The following SORCS1 variants were observed in gnomAD, a reference collection of about 807,000 sequenced individuals.
SORCS1 encodes the protein VPS10 domain-containing receptor SorCS1.
SORCS1 carries 60 observed loss-of-function variants against 146.1 expected under a neutral mutation model. That is an observed-to-expected ratio of 0.41 (90% CI 0.33 to 0.51). The LOEUF (loss-of-function observed/expected upper bound fraction) is 0.51. SORCS1 is among the 20% of genes least tolerant of loss of function. The probability of loss-of-function intolerance (pLI) is 0.21; values close to 1 mark genes in which losing one functional copy is unlikely to be tolerated. For synonymous variants in SORCS1, 637 were observed against 584.0 expected, an observed-to-expected ratio of 1.09 and a Z score of -1.31; for missense variants, 1,352 against 1,487.6, an observed-to-expected ratio of 0.91 and a Z score of 1.50.
intron 2 of SORCS1, among the ~76,000 whole-genome samples, chr10:106,869,585 C>T (rs1167088530): frequency 6.6e-6 from 1 of 152,090 alleles, no homozygotes; most frequent in Non-Finnish European, 1.5e-5. Flanking sequence ...GAACTAAAGA[C>T]AAAAACCACA....
intron 24 of SORCS1, among the ~76,000 whole-genome samples, chr10:106,596,274 C>G (rs1845899022): frequency 6.6e-6 from 1 of 152,196 alleles, no homozygotes; most frequent in Non-Finnish European, 1.5e-5. Flanking sequence ...TTCCCCACAC[C>G]ACAACCAGGT....
At chr10:107,029,143 A>G (rs1958533631) in intron 1 of SORCS1, among the ~76,000 whole-genome samples, 1 of 152,216 alleles carries the variant, frequency 6.6e-6, no homozygotes, top group African/African-American at 2.4e-5. Context: ...ATGCTCTCTC[A>G]TGGAATGTCA....
At chr10:106,931,576 C>T (rs899934674) in intron 2 of SORCS1, among the ~76,000 whole-genome samples, 10 of 152,312 alleles carry the variant, frequency 6.6e-5, no homozygotes, top group African/African-American at 1.2e-4. Context: ...TCGTTTGTAA[C>T]TCCTGAACCA....
chr10:107,088,080 G>C (rs555340197), intron 1 of SORCS1, among the ~76,000 whole-genome samples: 40 of 151,902 alleles, frequency 2.6e-4, no homozygotes, highest in Non-Finnish European at 4.4e-4. Context: ...CACCACGCCT[G>C]GCTAGTTTTT....
intron 9 of SORCS1, among the ~76,000 whole-genome samples, chr10:106,689,687 C>G (rs1853149425): frequency 6.6e-6 from 1 of 152,202 alleles, no homozygotes; most frequent in African/African-American, 2.4e-5. Context: ...GCACCTGCAG[C>G]TTTTACCCCA....
In SORCS1 at chr10:106,607,208, A is replaced by G; in HGVS notation, c.3123T>C (p.Asp1041=). ...TAELFVLPYQ[D]PAGENKRSTD... The stretch of plus-strand genomic sequence containing the variant: ...TTGACCTTTTGTTTTCTCCAGCTGG[A>G]TCCTGATAGGGTAGGACAAAGAGTT... Residue 1041 remains aspartate (D), a synonymous_variant, in exon 23 of 26, where the codon GAT becomes GAC. Coordinates refer to ENST00000263054, the MANE Select transcript of SORCS1 (RefSeq NM_052918.5). The G allele has an allele frequency of 6.2e-7, 1 of 1,614,100 alleles. No individual in the cohort carries two copies. The highest frequency in any genetic ancestry group is 8.5e-7 in the Non-Finnish European group (1 of 1,179,966).
At chr10:107,001,361 A>G (rs1025376214) in intron 1 of SORCS1, among the ~76,000 whole-genome samples, 3 of 152,200 alleles carry the variant, frequency 2.0e-5, no homozygotes, top group Non-Finnish European at 4.4e-5. Context: ...GGCACGTTTC[A>G]GACCAATTAC....
At chr10:106,993,939 C>A (rs12241155) in intron 1 of SORCS1, among the ~76,000 whole-genome samples, 1 of 151,424 alleles carries the variant, frequency 6.6e-6, no homozygotes, top group Non-Finnish European at 1.5e-5. Context: ...CCAGGCAATG[C>A]GGCCCATGCC....
At chr10:106,816,849 G>A (rs942188592) in intron 3 of SORCS1, among the ~76,000 whole-genome samples, 8 of 152,162 alleles carry the variant, frequency 5.3e-5, no homozygotes, top group Admixed American at 5.2e-4. Context: ...CGCTGCAGGG[G>A]TAAGAAACAA....
chr10:106,908,201 AT>A (rs989595028), intron 2 of SORCS1, among the ~76,000 whole-genome samples: 17 of 151,680 alleles, frequency 1.1e-4, no homozygotes, highest in African/African-American at 3.1e-4. Context: ...AAGTATTTTC[AT>A]TTTTTTTCCC....
intron 1 of SORCS1, among the ~76,000 whole-genome samples, chr10:106,957,354 T>TA (rs1955011484): frequency 6.6e-6 from 1 of 151,834 alleles, no homozygotes; most frequent in East Asian, 1.9e-4. Flanking sequence ...TTTGCATTTT[T>TA]AGAGATGGGG....
chr10:106,769,234 C>A (rs111550023), intron 4 of SORCS1, among the ~76,000 whole-genome samples: 8 of 152,148 alleles, frequency 5.3e-5, no homozygotes, highest in African/African-American at 1.9e-4. Context: ...GCTTGTAATC[C>A]CAGCACTTTG....
intron 6 of SORCS1, among the ~76,000 whole-genome samples, chr10:106,714,048 A>G (rs1855183774): frequency 6.8e-6 from 1 of 147,544 alleles, no homozygotes; most frequent in Admixed American, 7.2e-5. Flanking sequence ...AGACAGCAGA[A>G]TCACTTTAAC....
Position 106,616,626 on chromosome 10 carries a change from A to T in SORCS1, c.2920+1523T>A, listed in dbSNP as rs375085504. On this transcript the variant is annotated intron_variant, in intron 21 of 25. Coordinates refer to ENST00000263054, the MANE Select transcript of SORCS1 (RefSeq NM_052918.5). Reference sequence around the variant, plus strand: ...CTTGCTAATGGGACATTGGTAGGAAAATCACAGCCCTGGTTTATTTCTTAT... The same window carrying T: ...CTTGCTAATGGGACATTGGTAGGAATATCACAGCCCTGGTTTATTTCTTAT... Among the ~76,000 whole-genome samples the T allele has an allele frequency of 3.0e-3, 453 of 152,294 alleles. 2 individuals carry two copies. Among genetic ancestry groups the T allele is most frequent in the African/African-American group, 0.011 (440 of 41,568 alleles).
chr10:107,167,034 C>T (rs79072838), upstream of SORCS1, among the ~76,000 whole-genome samples: 8 of 152,334 alleles, frequency 5.3e-5, 1 homozygote, highest in East Asian at 1.5e-3. Flanking sequence ...AAAATGAAAG[C>T]ATTTGCAGTC....
intron 2 of SORCS1, among the ~76,000 whole-genome samples, chr10:106,867,330 G>T (rs533324832): frequency 1.3e-5 from 2 of 150,224 alleles, no homozygotes; most frequent in South Asian, 4.2e-4. Flanking sequence ...TGTCGCCCAC[G>T]CTGGAGTGCA....
intron 22 of SORCS1, among the ~76,000 whole-genome samples, chr10:106,610,661 T>C (rs1307350447): frequency 6.6e-6 from 1 of 152,212 alleles, no homozygotes; most frequent in African/African-American, 2.4e-5. Context: ...AAACCTAAAC[T>C]GATTTTCATT....
chr10:106,932,247 T>A (rs896294298), intron 2 of SORCS1, among the ~76,000 whole-genome samples: 24 of 152,206 alleles, frequency 1.6e-4, no homozygotes, highest in African/African-American at 5.8e-4. Context: ...ATTTTTTTGA[T>A]ATATTTGAGT....
chr10:106,730,417 C>G (rs540043440), intron 5 of SORCS1, among the ~76,000 whole-genome samples: 2 of 152,292 alleles, frequency 1.3e-5, no homozygotes, highest in East Asian at 3.9e-4. Flanking sequence ...TGCAACAACC[C>G]CAGTGACAGT....
Sources: gnomAD v4.1 joint callset for allele counts (sites outside exome capture counted in the v4.1 genomes callset) on GRCh38, gnomAD v4.1.1 for gene constraint, MANE v1.5 for transcripts, NCBI Gene and HGNC (gene_info 2026-07-23, HGNC 2026-07-21) for gene names.